The following MLIP variants were observed in gnomAD, a reference collection of about 807,000 sequenced individuals.
MLIP encodes muscular LMNA interacting protein, also known as muscular LMNA-interacting protein.
Under a neutral mutation model 84.8 loss-of-function variants are expected in MLIP, and 79 were observed. The observed-to-expected ratio is 0.93, with a 90% CI of 0.78 to 1.12. The LOEUF is 1.12. MLIP is among the 50% of genes most tolerant of loss of function. The pLI, the probability that MLIP is intolerant of heterozygous loss-of-function variation, is 0.00. For synonymous variants in MLIP, 504 were observed against 463.0 expected (o/e 1.09, Z -1.14); for missense variants, 1,257 against 1,160.6 (o/e 1.08, Z -1.21).
intron 12 of MLIP, 52 bp from the exon 13 acceptor site, chr6:54,257,255 AT>A: frequency 7.7e-7 from 1 of 1,292,448 alleles, no homozygotes; most frequent in Non-Finnish European, 1.1e-6. Flanking sequence ...TTTAACATTT[AT>A]TTTTTTCTCA....
chr6:54,055,890 C>A (rs1310812074), intron 1 of MLIP, among the ~76,000 whole-genome samples: 1 of 152,048 alleles, frequency 6.6e-6, no homozygotes, highest in Admixed American at 6.6e-5. Flanking sequence ...TTTGCTTACC[C>A]TTATGTGGCA....
intron 1 of MLIP, chr6:54,079,419 T>G (rs566518489): frequency 6.6e-6 from 1 of 152,322 alleles, no homozygotes; most frequent in Non-Finnish European, 1.5e-5. Flanking sequence ...AATGATGACT[T>G]GAGCTCATTC....
At chr6:54,234,465 C>G (rs1337175480) in intron 12 of MLIP, among the ~76,000 whole-genome samples, 1 of 152,080 alleles carries the variant, frequency 6.6e-6, no homozygotes, top group Non-Finnish European at 1.5e-5. Context: ...TGGATTCCTC[C>G]CCTTTGTATG....
In MLIP at chr6:54,084,629, A is replaced by G. The variant is rs966571611; in HGVS notation, c.64-36818A>G. On this transcript the variant is annotated intron_variant, in intron 1 of 12. Coordinates refer to the MLIP transcript ENST00000274897. ...TTTAATTTGGGTTAACAAGGAGAAA[A>G]AAGTACTCTTTGCAAATTCAGGAAT... Among the ~76,000 whole-genome samples, 45 of 152,218 alleles carry G rather than the reference A, an allele frequency of 3.0e-4. 2 individuals carry two copies. The highest frequency in any genetic ancestry group is 2.9e-3 in the Admixed American group (45 of 15,284).
At chr6:54,255,942 G>A (rs1010918233) in intron 12 of MLIP, among the ~76,000 whole-genome samples, 35 of 152,140 alleles carry the variant, frequency 2.3e-4, no homozygotes, top group Admixed American at 1.8e-3. Context: ...ACTTGGGTTT[G>A]AAGTTTGAAG....
intron 11 of MLIP, among the ~76,000 whole-genome samples, chr6:54,212,095 A>G (rs1439666006): frequency 3.3e-5 from 5 of 152,200 alleles, no homozygotes; most frequent in Non-Finnish European, 4.4e-5. Flanking sequence ...ATTTTCAATG[A>G]TTCCAGATAT....
intron 1 of MLIP, among the ~76,000 whole-genome samples, chr6:54,082,164 A>C (rs574725163): frequency 2.0e-5 from 3 of 152,300 alleles, no homozygotes; most frequent in African/African-American, 7.2e-5. Context: ...GTATGTTAAT[A>C]CATATAATTC....
At chr6:54,236,875 A>G (rs115479412) in intron 12 of MLIP, among the ~76,000 whole-genome samples, 3,702 of 152,206 alleles carry the variant, frequency 0.024, 149 homozygotes, top group African/African-American at 0.084. Flanking sequence ...ATGTGTCTTT[A>G]AACAGTAAAC....
At chr6:54,231,346 C>T (rs947811188) in intron 12 of MLIP, among the ~76,000 whole-genome samples, 1 of 152,102 alleles carries the variant, frequency 6.6e-6, no homozygotes. Context: ...CTTAGAATTA[C>T]TGTGGGTATC....
chr6:54,045,940 A>G (rs1765023425), intron 1 of MLIP: 2 of 152,220 alleles, frequency 1.3e-5, no homozygotes, highest in Non-Finnish European at 2.9e-5. Flanking sequence ...TATTTTCTTT[A>G]TAAATTTCAG....
At chr6:54,210,803 G>T (rs1779399723) in intron 11 of MLIP, among the ~76,000 whole-genome samples, 1 of 151,342 alleles carries the variant, frequency 6.6e-6, no homozygotes, top group African/African-American at 2.4e-5. Flanking sequence ...TGTAGCTCAG[G>T]CATCCAAATA....
chr6:54,156,037 C>T (rs1369689290), intron 5 of MLIP, among the ~76,000 whole-genome samples: 1 of 151,980 alleles, frequency 6.6e-6, no homozygotes, highest in Non-Finnish European at 1.5e-5. Flanking sequence ...ATGAATAAAT[C>T]TAGAGAAACA....
intron 1 of MLIP, among the ~76,000 whole-genome samples, chr6:54,062,872 CAAAT>C (rs990448964): frequency 1.2e-4 from 18 of 152,200 alleles, no homozygotes; most frequent in African/African-American, 4.3e-4. Context: ...TAATGTTTGT[CAAAT>C]AAATCAATTA....
At position 54,216,985 on chromosome 6, in the gene MLIP, T is replaced by C. The variant is rs910706364; in HGVS notation, c.2719-13729T>C. 3.0e-6 allele frequency: 3 copies of C among 985,318 alleles called. No individual in the cohort carries two copies. The African/African-American group carries it at 5.2e-5, about 17-fold the overall frequency. 61.0% of individuals were successfully genotyped at this position (985,318 alleles called of 1,614,324 possible). On this transcript the variant is annotated intron_variant, in intron 11 of 13. Coordinates refer to ENST00000502396, the MANE Select transcript of MLIP (RefSeq NM_001281747.2). Reference sequence around the variant, plus strand: ...AAGGTGTTGATTTAAATTAAAACTGTAGCAAAAATGCTATGGCTCTGATTT... The same window carrying C: ...AAGGTGTTGATTTAAATTAAAACTGCAGCAAAAATGCTATGGCTCTGATTT...
At chr6:54,169,712 T>C (rs1775578737) in intron 9 of MLIP, 140 bp downstream of exon 9, 1 of 459,246 alleles carries the variant, frequency 2.2e-6, no homozygotes, top group Non-Finnish European at 3.7e-6. Context: ...TGATTGCAGA[T>C]ACAGAAAATC....
intron 1 of MLIP, among the ~76,000 whole-genome samples, chr6:54,033,560 CG>C (rs1405143739): frequency 6.6e-6 from 1 of 152,002 alleles, no homozygotes; most frequent in East Asian, 1.9e-4. Context: ...CCACCACGCC[CG>C]GGTGGAACTA....
chr6:54,175,049 G>C (rs1776144370), intron 9 of MLIP, among the ~76,000 whole-genome samples: 1 of 151,928 alleles, frequency 6.6e-6, no homozygotes, highest in African/African-American at 2.4e-5. Context: ...TCAAAAATGA[G>C]TTCACTGTAA....
At chr6:54,161,374 T>C (rs1417526249) in intron 8 of MLIP, among the ~76,000 whole-genome samples, 1 of 151,996 alleles carries the variant, frequency 6.6e-6, no homozygotes, top group Non-Finnish European at 1.5e-5. Context: ...TACTAAACTA[T>C]TAATTGTTGT....
At chr6:54,145,818 G>T (rs1234809331) in intron 4 of MLIP, among the ~76,000 whole-genome samples, 1 of 141,166 alleles carries the variant, frequency 7.1e-6, no homozygotes, top group Non-Finnish European at 1.5e-5. Flanking sequence ...AAAAGAAAGA[G>T]AAAAAATTTC....
Sources: allele counts gnomAD v4.1 joint callset (sites outside exome capture counted in the v4.1 genomes callset), GRCh38; gene constraint gnomAD v4.1.1; transcripts MANE v1.5; gene names NCBI Gene and HGNC (gene_info 2026-07-23, HGNC 2026-07-21).